The following MRPS5 variants were observed in gnomAD, a reference collection of about 807,000 sequenced individuals.
MRPS5 encodes small ribosomal subunit protein uS5m.
A neutral mutation model predicts 51.9 loss-of-function variants in MRPS5; 27 were observed. The ratio of observed to expected loss-of-function variants is 0.52; its 90% CI spans 0.38 to 0.72. The LOEUF (loss-of-function observed/expected upper bound fraction) is 0.72. MRPS5 is among the 30% of genes least tolerant of loss of function. The pLI is 0.00. For synonymous variants in MRPS5, 196 were observed against 193.2 expected (o/e 1.01, Z -0.12); for missense variants, 570 against 545.7 (o/e 1.04, Z -0.44).
intron 6 of MRPS5, 85 bp downstream of exon 6, chr2:95,106,338 C>G: frequency 8.9e-7 from 1 of 1,125,402 alleles, no homozygotes; most frequent in Non-Finnish European, 1.4e-6. Context: ...AAGGCCTTCC[C>G]TTACAGTTCC....
intron 3 of MRPS5, 90 bp from the exon 4 acceptor site, chr2:95,110,131 C>A (rs1676075176): frequency 6.7e-7 from 1 of 1,491,822 alleles, no homozygotes; most frequent in African/African-American, 1.4e-5. Flanking sequence ...AAGTGGAGGT[C>A]AGCTTACAGC....
intron 3 of MRPS5, among the ~76,000 whole-genome samples, chr2:95,110,326 C>CA (rs1242511930): frequency 6.6e-6 from 1 of 152,128 alleles, no homozygotes; most frequent in Non-Finnish European, 1.5e-5. Context: ...AGTTACTTAC[C>CA]AATAGGTTCG....
intron 10 of MRPS5, among the ~76,000 whole-genome samples, chr2:95,099,272 CATT>C (rs978680563): frequency 1.4e-4 from 21 of 151,794 alleles, no homozygotes; most frequent in Admixed American, 7.2e-4. Flanking sequence ...ATTCAAACAT[CATT>C]GAGATATAAA....
chr2:95,107,218 T>C (rs1252441722), intron 5 of MRPS5, among the ~76,000 whole-genome samples: 1 of 152,198 alleles, frequency 6.6e-6, no homozygotes, highest in Non-Finnish European at 1.5e-5. Flanking sequence ...CATTGGATAA[T>C]TTGAAGCCAG....
intron 8 of MRPS5, among the ~76,000 whole-genome samples, chr2:95,101,244 T>C (rs1675792479): frequency 6.6e-6 from 1 of 151,716 alleles, no homozygotes; most frequent in South Asian, 2.1e-4. Flanking sequence ...GTTAGCCGGG[T>C]GTGGTGGTGG....
intron 2 of MRPS5, among the ~76,000 whole-genome samples, chr2:95,117,531 C>G (rs1311566717): frequency 6.8e-6 from 1 of 148,058 alleles, no homozygotes; most frequent in African/African-American, 2.5e-5. Flanking sequence ...TTTCAATTAA[C>G]ATAACAATTG....
intron 3 of MRPS5, among the ~76,000 whole-genome samples, chr2:95,111,127 G>A (rs988228254): frequency 3.3e-5 from 5 of 152,202 alleles, no homozygotes; most frequent in Admixed American, 2.6e-4. Context: ...GTCTTCGTAA[G>A]TGAGGCTCAG....
intron 10 of MRPS5, among the ~76,000 whole-genome samples, chr2:95,096,174 G>A (rs1355031319): frequency 6.6e-6 from 1 of 152,186 alleles, no homozygotes; most frequent in African/African-American, 2.4e-5. Context: ...AACAGGCTCT[G>A]AAATTGAGGC....
intron 6 of MRPS5, among the ~76,000 whole-genome samples, 165 bp downstream of exon 6, chr2:95,106,258 G>A (rs1675944698): frequency 1.3e-5 from 2 of 152,114 alleles, no homozygotes; most frequent in African/African-American, 4.8e-5. Context: ...CCAGTATCCA[G>A]TAACTGAAAT....
chr2:95,121,110 T>C (rs1420305797), intron 1 of MRPS5, among the ~76,000 whole-genome samples: 3 of 152,000 alleles, frequency 2.0e-5, no homozygotes, highest in Non-Finnish European at 4.4e-5. Flanking sequence ...AGAGTAAGAC[T>C]GTCTCAAAAA....
At position 95,104,724 on chromosome 2, in the gene MRPS5, T is replaced by G; in HGVS notation, c.679A>C (p.Asn227His). 6.2e-7 allele frequency: 1 copy of G among 1,613,922 alleles called. No individual in the cohort carries two copies. Among genetic ancestry groups the G allele is most frequent in the Non-Finnish European group, 8.5e-7 (1 of 1,179,898 alleles). The change falls in exon 7 of 12, where the codon AAC becomes CAC. Residue 227 changes from asparagine (N) to histidine (H), a missense_variant. Coordinates refer to ENST00000272418, the MANE Select transcript of MRPS5 (RefSeq NM_031902.5). ...TCTTTCGCAGTCATAGTGAAAACGT[T>G]TCTTACCTAAAAGGCAAAATGTCTC... ...DFDTRILEVR[N>H]VFTMTAKEGR...
intron 4 of MRPS5, among the ~76,000 whole-genome samples, chr2:95,108,911 T>A (rs1185615870): frequency 6.6e-6 from 1 of 152,130 alleles, no homozygotes; most frequent in Non-Finnish European, 1.5e-5. Flanking sequence ...TTTTAGCTAT[T>A]TATATATAAA....
chr2:95,112,214 G>A (rs889493954), intron 3 of MRPS5, among the ~76,000 whole-genome samples: 38 of 152,122 alleles, frequency 2.5e-4, no homozygotes, highest in African/African-American at 8.9e-4. Flanking sequence ...ACAGGTGCCT[G>A]CCACCACGCC....
At chr2:95,094,202 C>T (rs528004158) in intron 10 of MRPS5, among the ~76,000 whole-genome samples, 11 of 151,934 alleles carry the variant, frequency 7.2e-5, no homozygotes, top group East Asian at 1.9e-4. Context: ...AGTAAAAAAA[C>T]GAACAAAACC....
At chr2:95,087,677 G>T in intron 11 of MRPS5, 96 bp from the exon 12 acceptor site, 2 of 988,122 alleles carry the variant, frequency 2.0e-6, no homozygotes, top group Non-Finnish European at 3.0e-6. Context: ...CAGCCTGGGG[G>T]TATTCAAAGG....
At chr2:95,100,417 G>A (rs1482434684) in intron 10 of MRPS5, 57 bp downstream of exon 10, 10 of 1,287,780 alleles carry the variant, frequency 7.8e-6, no homozygotes, top group Non-Finnish European at 1.0e-5. Flanking sequence ...GGAGAGGATA[G>A]AACTGTTATA....
chr2:95,106,026 A>G (rs1293589097), intron 6 of MRPS5, among the ~76,000 whole-genome samples: 1 of 152,202 alleles, frequency 6.6e-6, no homozygotes, highest in Admixed American at 6.5e-5. Flanking sequence ...GACAGGCACC[A>G]CAACTCTTAA....
chr2:95,103,683 C>A (rs1188165173), intron 7 of MRPS5: 2 of 152,092 alleles, frequency 1.3e-5, no homozygotes, highest in African/African-American at 4.8e-5. Flanking sequence ...AAATATTCAG[C>A]AGTAGGGAAA....
At position 95,087,490 on chromosome 2, in the gene MRPS5, G is replaced by A; in HGVS notation, c.1160C>T (p.Pro387Leu). 6.2e-7 allele frequency: 1 copy of A among 1,614,190 alleles called. No homozygotes were observed. Among genetic ancestry groups the A allele is most frequent in the Non-Finnish European group, 8.5e-7 (1 of 1,180,044 alleles). Residue 387 changes from proline (P) to leucine (L), a missense_variant, in exon 12 of 12, where the codon CCC (proline) becomes CTC (leucine). Pro to Leu is a moderately conservative substitution (Grantham distance 98). Coordinates refer to ENST00000272418, the MANE Select transcript of MRPS5 (RefSeq NM_031902.5). ...TGGATCCTTCCTCAAGGGCCCCCGGGGGGACGCAACCACAATGGGCAGAGG... is the reference window on the plus strand; with the variant it reads ...TGGATCCTTCCTCAAGGGCCCCCGGAGGGACGCAACCACAATGGGCAGAGG... ...CGPLPIVVAS[P>L]RGPLRKDPEP...
Sources: allele counts gnomAD v4.1 joint callset (sites outside exome capture counted in the v4.1 genomes callset), GRCh38; gene constraint gnomAD v4.1.1; transcripts MANE v1.5; gene names NCBI Gene and HGNC (gene_info 2026-07-23, HGNC 2026-07-21).